Variants in NFIB observed in about 807,000 individuals in gnomAD.
NFIB encodes nuclear factor 1 B-type.
In NFIB, 11 loss-of-function variants were observed where a neutral mutation model predicts 61.5. The ratio of observed to expected loss-of-function variants is 0.18; its 90% CI spans 0.11 to 0.30. The LOEUF (loss-of-function observed/expected upper bound fraction) is 0.30. Ranked by LOEUF, NFIB falls within the 10% of genes least tolerant of loss-of-function variation. The pLI, the probability that NFIB is intolerant of heterozygous loss-of-function variation, is 1.00. For synonymous variants in NFIB, 260 were observed against 216.5 expected (o/e 1.20, Z -1.76); for missense variants, 471 against 608.9 (o/e 0.77, Z 2.38).
intron 8 of NFIB, 59 bp from the exon 9 acceptor site, chr9:14,116,405 A>C (rs2038149179): frequency 1.7e-5 from 24 of 1,422,694 alleles, no homozygotes; most frequent in Non-Finnish European, 2.2e-5. Flanking sequence ...ATCTTGTTCA[A>C]CAAGTCCACT....
chr9:14,261,534 A>C (rs1011502122), intron 2 of NFIB, among the ~76,000 whole-genome samples: 2 of 152,208 alleles, frequency 1.3e-5, no homozygotes, highest in Non-Finnish European at 2.9e-5. Context: ...CAAAAGGCAG[A>C]TTAAGAGGAG....
At chr9:14,453,014 G>T in the NFIB span, among the ~76,000 whole-genome samples, 1 of 152,290 alleles carries the variant, frequency 6.6e-6, no homozygotes, top group African/African-American at 2.4e-5. Flanking sequence ...GCTTTGTAAC[G>T]TGGTGCCTCT....
chr9:14,405,306 T>C, the NFIB span, among the ~76,000 whole-genome samples: 9 of 152,224 alleles, frequency 5.9e-5, no homozygotes, highest in African/African-American at 2.2e-4. Context: ...TCTATTGTAT[T>C]ATGTCATTGA....
the NFIB span, among the ~76,000 whole-genome samples, chr9:14,525,468 T>G: frequency 6.6e-6 from 1 of 152,190 alleles, no homozygotes; most frequent in Admixed American, 6.5e-5. Context: ...GTTCTGGTAA[T>G]GTCTATGTTA....
At chr9:14,427,547 C>T in the NFIB span, among the ~76,000 whole-genome samples, 1 of 152,176 alleles carries the variant, frequency 6.6e-6, no homozygotes, top group Non-Finnish European at 1.5e-5. Context: ...GACTACACTC[C>T]ACTATGCTAC....
At chr9:14,215,333 A>G (rs2050740664) in intron 2 of NFIB, among the ~76,000 whole-genome samples, 1 of 150,640 alleles carries the variant, frequency 6.6e-6, no homozygotes, top group Admixed American at 6.6e-5. Flanking sequence ...GTATTAAATG[A>G]AAAGCAGTGA....
chr9:14,282,431 A>G (rs560232530), intron 2 of NFIB, among the ~76,000 whole-genome samples: 63 of 152,336 alleles, frequency 4.1e-4, no homozygotes, highest in African/African-American at 1.5e-3. Flanking sequence ...TACAATCAGT[A>G]ACAGTAGAGA....
chr9:14,173,502 G>A (rs889940287), intron 3 of NFIB, among the ~76,000 whole-genome samples: 1 of 152,112 alleles, frequency 6.6e-6, no homozygotes, highest in African/African-American at 2.4e-5. Context: ...TTTGGGAAAA[G>A]CAAGGTTCAT....
At chr9:14,352,498 C>G (rs981453356) in intron 1 of NFIB, among the ~76,000 whole-genome samples, 1 of 152,210 alleles carries the variant, frequency 6.6e-6, no homozygotes, top group African/African-American at 2.4e-5. Context: ...CACTGTTCCT[C>G]CTGCCCCTGC....
intron 2 of NFIB, among the ~76,000 whole-genome samples, chr9:14,180,161 A>T (rs962661774): frequency 5.9e-5 from 9 of 152,222 alleles, no homozygotes; most frequent in African/African-American, 1.9e-4. Flanking sequence ...AGTGTAATTA[A>T]ACGTGCATTT....
At chr9:14,134,897 C>CAA (rs57014530) in intron 6 of NFIB, among the ~76,000 whole-genome samples, 1,381 of 63,540 alleles carry the variant, frequency 0.022, 63 homozygotes, top group African/African-American at 0.055. Flanking sequence ...GACTCTGTCT[C>CAA]AAAAAAAAAA....
At chr9:14,097,238 G>C (rs2034935085) in intron 10 of NFIB, among the ~76,000 whole-genome samples, 1 of 152,110 alleles carries the variant, frequency 6.6e-6, no homozygotes, top group African/African-American at 2.4e-5. Context: ...TGAAATTTTG[G>C]TTTTTGCAAT....
intron 3 of NFIB, among the ~76,000 whole-genome samples, chr9:14,167,023 T>TC (rs992300106): frequency 4.8e-5 from 7 of 145,864 alleles, no homozygotes; most frequent in South Asian, 4.5e-4. Flanking sequence ...CTTGATCATA[T>TC]CCCATTTCCC....
At chr9:14,116,479 C>T (rs1217035657) in intron 8 of NFIB, 133 bp from the exon 9 acceptor site, 16 of 912,060 alleles carry the variant, frequency 1.8e-5, no homozygotes, top group Admixed American at 8.3e-5. Context: ...CCTCTCGAGT[C>T]GGAGTCGGAG....
At chr9:14,447,960 T>C in the NFIB span, among the ~76,000 whole-genome samples, 1 of 152,200 alleles carries the variant, frequency 6.6e-6, no homozygotes, top group South Asian at 2.1e-4. Context: ...GTACCTACCC[T>C]GAAATTGGAA....
chr9:14,313,494 G>A lies in NFIB; in HGVS notation c.18C>T (p.Ile6=), dbSNP rs2060390224. 6.2e-7 allele frequency: 1 copy of A among 1,613,982 alleles called. No homozygotes were observed. Among genetic ancestry groups the A allele is most frequent in the African/African-American group, 1.3e-5 (1 of 74,944 alleles). ...CCGAGACATGTACCTGAGTGAGACA[G>A]ATGGGAGAATACATCATGACTTCGC... MMYSP[I]CLTQDEFHPF... The change falls in exon 1 of 11, where the codon ATC becomes ATT. Residue 6 remains isoleucine, a synonymous_variant. Transcript: ENST00000380953. The surrounding 1 kb of genome is among the most constrained non-coding windows in gnomAD (Gnocchi z 4.5).
chr9:14,464,468 T>C, the NFIB span, among the ~76,000 whole-genome samples: 9 of 152,054 alleles, frequency 5.9e-5, no homozygotes, highest in African/African-American at 2.2e-4. Context: ...GGCTTTATGG[T>C]GGTGGTAAGA....
chr9:14,273,538 C>A (rs1005963603), intron 2 of NFIB, among the ~76,000 whole-genome samples: 1 of 152,154 alleles, frequency 6.6e-6, no homozygotes, highest in Non-Finnish European at 1.5e-5. Flanking sequence ...ACACACAGCT[C>A]AGAGACAAGC....
At chr9:14,291,495 A>G (rs2059098546) in intron 2 of NFIB, among the ~76,000 whole-genome samples, 1 of 152,192 alleles carries the variant, frequency 6.6e-6, no homozygotes, top group Non-Finnish European at 1.5e-5. Flanking sequence ...TTTCTACCTT[A>G]ACAAAAAGAT....
Sources: allele counts gnomAD v4.1 joint callset (sites outside exome capture counted in the v4.1 genomes callset), GRCh38; gene constraint gnomAD v4.1.1; non-coding constraint Gnocchi (gnomAD v3.1); transcripts MANE v1.5; gene names NCBI Gene and HGNC (gene_info 2026-07-23, HGNC 2026-07-21).